GAN: variants seen among roughly 807,000 people sequenced by gnomAD.
GAN encodes the protein gigaxonin, also known as epididymis secretory sperm binding protein.
Under a neutral mutation model 71.3 loss-of-function variants are expected in GAN, and 48 were observed. That is an observed-to-expected ratio of 0.67 (90% confidence interval 0.53 to 0.86). The LOEUF (loss-of-function observed/expected upper bound fraction) is 0.86, where lower values mean the gene tolerates loss of function less well. GAN is among the 40% of genes least tolerant of loss of function. The pLI, the probability that GAN is intolerant of heterozygous loss-of-function variation, is 0.00. For missense variants in GAN, 928 were observed against 770.1 expected (o/e 1.21, Z -2.43); for synonymous variants, 386 against 276.8 (o/e 1.39, Z -3.92).
Position 81,384,967 on chromosome 16 carries a change from A to T in GAN, c.*7371A>T, listed in dbSNP as rs1229152205. 1.3e-5 allele frequency: 2 copies of T among 154,212 alleles called. No homozygotes were observed. The highest frequency in any genetic ancestry group is 2.0e-4 in the South Asian group (1 of 4,908). The allele number at this position is 154,212 out of a possible 1,614,324, so 9.6% of individuals were successfully genotyped here. A position where few individuals can be genotyped will look rare whatever the true frequency, so the allele number is the denominator to read the frequency against. The stretch of plus-strand genomic sequence containing the variant: ...GGCACAGTTGTACACATTCTACTTA[A>T]ATGGAGGAGTTCAGTGATGCCGTGG... On this transcript the variant is annotated 3_prime_UTR_variant, in exon 11 of 11. Transcript: ENST00000648994.
In GAN at chr16:81,377,406, G is replaced by C. The variant is rs748762608; in HGVS notation, c.1613-9G>C. On this transcript the variant is annotated splice_polypyrimidine_tract_variant and intron_variant, in intron 10 of 10. Transcript: ENST00000648994. The stretch of plus-strand genomic sequence containing the variant: ...CATTTTCTCACCCTTGCTTATTTCT[G>C]TGGCTTAGGTACCAATTACGACTAC... 28 of 1,613,342 alleles carry C rather than the reference G, an allele frequency of 1.7e-5. No homozygotes were observed. Among genetic ancestry groups the C allele is most frequent in the Non-Finnish European group, 2.4e-5 (28 of 1,179,302 alleles).
intron 6 of GAN, 119 bp downstream of exon 6, chr16:81,362,730 C>G (rs942281151): frequency 5.6e-6 from 4 of 720,538 alleles, no homozygotes; most frequent in Non-Finnish European, 1.0e-5. Flanking sequence ...CTGCCTCATT[C>G]GCTCCAACCT....
Position 81,385,966 on chromosome 16 carries a change from G to C in GAN, c.*8370G>C, listed in dbSNP as rs1214331751. 6.6e-6 allele frequency: 1 copy of C among 151,992 alleles called. No homozygotes were observed. Among genetic ancestry groups the C allele is most frequent in the African/African-American group, 2.4e-5 (1 of 41,348 alleles). 9.4% of individuals were successfully genotyped at this position (151,992 alleles called of 1,614,324 possible). On this transcript the variant is annotated 3_prime_UTR_variant, in exon 11 of 11. Transcript: ENST00000648994. ...TGGTTTCACCATATTGCCCAGGCTGGTCTCGAGCTCCTGAGCTCAGGCAAT... is the reference window on the plus strand; with the variant it reads ...TGGTTTCACCATATTGCCCAGGCTGCTCTCGAGCTCCTGAGCTCAGGCAAT...
intron 7 of GAN, among the ~76,000 whole-genome samples, chr16:81,364,681 CCT>C (rs1910790453): frequency 2.6e-5 from 4 of 152,046 alleles, no homozygotes; most frequent in Admixed American, 2.6e-4. Flanking sequence ...TGAACGAGAC[CCT>C]GTCTCTAATA....
chr16:81,387,522 T>C lies in GAN; in HGVS notation c.*9926T>C, dbSNP rs945070914. The C allele has an allele frequency of 1.3e-5, 2 of 152,592 alleles. No homozygotes were observed. Among genetic ancestry groups the C allele is most frequent in the African/African-American group, 4.8e-5 (2 of 41,444 alleles). The allele number at this position is 152,592 out of a possible 1,614,324, so 9.5% of individuals were successfully genotyped here. A position where few individuals can be genotyped will look rare whatever the true frequency, so the allele number is the denominator to read the frequency against. ...TGTCCTGACCCCTCTTGCCTTGTTT[T>C]TGATCTGCTCAGGCCGGGTGCAGTG... On this transcript the variant is annotated 3_prime_UTR_variant, in exon 11 of 11. Coordinates refer to ENST00000648994, the MANE Select transcript of GAN (RefSeq NM_022041.4).
At position 81,378,450 on chromosome 16, in the gene GAN, A is replaced by C. The variant is rs1405578668; in HGVS notation, c.*854A>C. The C allele has an allele frequency of 6.6e-6, 1 of 152,214 alleles. No homozygotes were observed. Among genetic ancestry groups the C allele is most frequent in the Non-Finnish European group, 1.5e-5 (1 of 68,040 alleles). The allele number at this position is 152,214 out of a possible 1,614,324, so 9.4% of individuals were successfully genotyped here. On this transcript the variant is annotated 3_prime_UTR_variant, in exon 11 of 11. Transcript: ENST00000648994. The stretch of plus-strand genomic sequence containing the variant: ...ATATTAGTGAGTAGGAGATTTTATA[A>C]AAGAAAGACCTGAGTCAGACAAATA...
At chr16:81,363,393 C>T (rs933806514) in intron 6 of GAN, among the ~76,000 whole-genome samples, 4 of 152,166 alleles carry the variant, frequency 2.6e-5, no homozygotes, top group African/African-American at 9.7e-5. Context: ...GAAGAGTGGG[C>T]TGTTAGGGAA....
chr16:81,380,127 C>G lies in GAN; in HGVS notation c.*2531C>G, dbSNP rs563033626. 9 of 152,654 alleles carry G rather than the reference C, an allele frequency of 5.9e-5. No homozygotes were observed. The East Asian group carries it at 9.6e-4, about 16-fold the overall frequency. 9.5% of individuals were successfully genotyped at this position (152,654 alleles called of 1,614,324 possible). ...CTATGCTCCAACATTAATCATGACT[C>G]TTTTGTAAATTACAGTTATTTCAGT... On this transcript the variant is annotated 3_prime_UTR_variant, in exon 11 of 11. Transcript: ENST00000648994.
chr16:81,343,428 T>G (rs1297254136), intron 1 of GAN, among the ~76,000 whole-genome samples: 1 of 152,214 alleles, frequency 6.6e-6, no homozygotes, highest in Admixed American at 6.5e-5. Context: ...CACGATCAAG[T>G]TGGCTTCATC....
rs1904287731 is a variant in GAN at position 81,377,927 on chromosome 16, TC to T, written c.*334del. ...AAAGTTAAAATACTAAGGTGCATTT[TC>T]CCTGAAGGGAACTCATGTCTGACTG... On this transcript the variant is annotated 3_prime_UTR_variant, in exon 11 of 11. Transcript: ENST00000648994. 5 of 360,070 alleles carry T rather than the reference TC, an allele frequency of 1.4e-5. No homozygotes were observed. Among genetic ancestry groups the T allele is most frequent in the Non-Finnish European group, 2.1e-5 (4 of 190,132 alleles). The allele number at this position is 360,070 out of a possible 1,614,324, so 22.3% of individuals were successfully genotyped here.
chr16:81,332,372 G>A (rs1909611242), intron 1 of GAN, among the ~76,000 whole-genome samples: 1 of 152,104 alleles, frequency 6.6e-6, no homozygotes, highest in African/African-American at 2.4e-5. Context: ...GGAGCTATGT[G>A]CCCTAAGTGC....
At chr16:81,374,009 G>C (rs939400658) in intron 9 of GAN, among the ~76,000 whole-genome samples, 2 of 152,180 alleles carry the variant, frequency 1.3e-5, no homozygotes, top group African/African-American at 4.8e-5. Flanking sequence ...CTAAAGTGCT[G>C]GGATTACAGG....
intron 9 of GAN, among the ~76,000 whole-genome samples, chr16:81,373,988 G>T (rs111485034): frequency 0.022 from 3,374 of 152,238 alleles, 57 homozygotes; most frequent in Non-Finnish European, 0.037. Flanking sequence ...TGATCCACCC[G>T]CCTGGGCCTC....
At chr16:81,351,783 A>G (rs9928022) in intron 2 of GAN, 86 bp downstream of exon 2, 16 of 774,724 alleles carry the variant, frequency 2.1e-5, no homozygotes, top group Admixed American at 1.6e-4. Flanking sequence ...TTATATGACA[A>G]AGTAGCACTG....
chr16:81,376,781 G>A (rs1420706536), intron 9 of GAN, among the ~76,000 whole-genome samples: 1 of 152,038 alleles, frequency 6.6e-6, no homozygotes, highest in Non-Finnish European at 1.5e-5. Flanking sequence ...GGAAGGCTGG[G>A]GTGGGAGGAT....
chr16:81,315,456 C>G (rs1228074627), intron 1 of GAN, among the ~76,000 whole-genome samples, 176 bp downstream of exon 1: 1 of 151,920 alleles, frequency 6.6e-6, no homozygotes, highest in Non-Finnish European at 1.5e-5. Flanking sequence ...CCGCTGACCG[C>G]GTCCCCCAGG....
rs1904286745 is a variant in GAN, at chr16:81,377,692, G to T, written c.*96G>T. Reference sequence around the variant, plus strand: ...AGATGGCAGCTGAAACTCACTCTGTGCTGGGCTTTGGTATGGTAACTCTTT... The same window carrying T: ...AGATGGCAGCTGAAACTCACTCTGTTCTGGGCTTTGGTATGGTAACTCTTT... On this transcript the variant is annotated 3_prime_UTR_variant, in exon 11 of 11. Coordinates refer to ENST00000648994, the MANE Select transcript of GAN (RefSeq NM_022041.4). The T allele has an allele frequency of 9.1e-7, 1 of 1,104,632 alleles. No homozygotes were observed. Among genetic ancestry groups the T allele is most frequent in the South Asian group, 1.2e-5 (1 of 80,390 alleles). The allele number at this position is 1,104,632 out of a possible 1,614,324, so 68.4% of individuals were successfully genotyped here. A position where few individuals can be genotyped will look rare whatever the true frequency, so the allele number is the denominator to read the frequency against.
intron 1 of GAN, among the ~76,000 whole-genome samples, chr16:81,321,695 A>T (rs573617729): frequency 9.2e-5 from 14 of 152,362 alleles, no homozygotes; most frequent in African/African-American, 3.1e-4. Context: ...CCATGCAATA[A>T]GTTCTTCACA....
In GAN at chr16:81,365,305, G is replaced by A. The variant is rs374707169; in HGVS notation, c.1374-45G>A. 91 of 1,613,068 alleles carry A rather than the reference G, an allele frequency of 5.6e-5. 1 individual carries two copies. The South Asian group carries it at 8.1e-4, about 14-fold the overall frequency. The stretch of plus-strand genomic sequence containing the variant: ...AAGAGGAACGCGGGAGTGAGATCTC[G>A]CATTGTACAGCTTGTGCCTGATAAC... On this transcript the variant is annotated intron_variant, in intron 8 of 10. Coordinates refer to ENST00000648994, the MANE Select transcript of GAN (RefSeq NM_022041.4).
Sources: gnomAD v4.1 joint callset for allele counts (sites outside exome capture counted in the v4.1 genomes callset) on GRCh38, gnomAD v4.1.1 for gene constraint, MANE v1.5 for transcripts, NCBI Gene and HGNC (gene_info 2026-07-23, HGNC 2026-07-21) for gene names.